OXR1: variants seen among roughly 807,000 people sequenced by gnomAD.
The protein encoded by OXR1 is oxidation resistance 1, also known as oxidation resistance protein 1.
OXR1 carries 41 observed loss-of-function variants against 104.6 expected under a neutral mutation model. The observed-to-expected ratio is 0.39, with a 90% CI of 0.31 to 0.51. The LOEUF is 0.51. Among genes scored for constraint, OXR1 ranks in the 20% least tolerant of loss-of-function variants. The pLI, the probability that OXR1 is intolerant of heterozygous loss-of-function variation, is 0.77. For missense variants in OXR1, 955 were observed against 1,031.9 expected, an observed-to-expected ratio of 0.93 and a Z score of 1.02; for synonymous variants, 348 against 348.4, an observed-to-expected ratio of 1.00 and a Z score of 0.01.
In OXR1 at chr8:106,499,155, C is replaced by G; in HGVS notation, c.24-19788C>G. On this transcript the variant is annotated intron_variant, in intron 2 of 16. Transcript: ENST00000517566. ...CCGCAGTCCGGCCTGGGCGACAGAGCGAGACTCCGTCTCAAAAAAAAAAAA... is the reference window on the plus strand; with the variant it reads ...CCGCAGTCCGGCCTGGGCGACAGAGGGAGACTCCGTCTCAAAAAAAAAAAA... Among the ~76,000 whole-genome samples the G allele has an allele frequency of 1.7e-4, 2 of 11,496 alleles. 1 individual carries two copies. The highest frequency in any genetic ancestry group is 7.8e-4 in the African/African-American group (2 of 2,566). 7.5% of individuals were successfully genotyped at this position (11,496 alleles called of 152,430 possible).
chr8:106,703,904 G>A (rs535717638), intron 8 of OXR1, among the ~76,000 whole-genome samples: 39 of 152,128 alleles, frequency 2.6e-4, no homozygotes, highest in South Asian at 6.2e-4. Flanking sequence ...CACTTTAACT[G>A]ATACTGATAT....
chr8:106,659,038 A>G (rs1209573374), intron 3 of OXR1, among the ~76,000 whole-genome samples: 1 of 152,352 alleles, frequency 6.6e-6, no homozygotes, highest in Middle Eastern at 3.4e-3. Flanking sequence ...AATGAGCATT[A>G]GAGAGTTTAG....
chr8:106,725,398 A>G (rs1245174800), intron 11 of OXR1, among the ~76,000 whole-genome samples: 1 of 152,188 alleles, frequency 6.6e-6, no homozygotes, highest in Non-Finnish European at 1.5e-5. Context: ...CAAATGTATC[A>G]TCATGATATT....
At chr8:106,627,834 T>C (rs1425354754) in intron 3 of OXR1, among the ~76,000 whole-genome samples, 1 of 152,144 alleles carries the variant, frequency 6.6e-6, no homozygotes, top group Non-Finnish European at 1.5e-5. Context: ...CATAGCAGGA[T>C]TGATATAGGA....
chr8:106,477,033 A>G (rs1001055892), intron 2 of OXR1, among the ~76,000 whole-genome samples: 1 of 151,974 alleles, frequency 6.6e-6, no homozygotes, highest in Non-Finnish European at 1.5e-5. Context: ...GGATTCACTT[A>G]TCCTGAAATG....
chr8:106,625,173 C>T (rs929157250), intron 3 of OXR1, among the ~76,000 whole-genome samples: 2 of 152,070 alleles, frequency 1.3e-5, no homozygotes, highest in African/African-American at 4.8e-5. Flanking sequence ...AGGTCAACTC[C>T]CCTTCCCTCC....
intron 3 of OXR1, among the ~76,000 whole-genome samples, chr8:106,611,913 A>G (rs1461923194): frequency 6.7e-6 from 1 of 149,584 alleles, no homozygotes; most frequent in Non-Finnish European, 1.5e-5. Context: ...TAATTTCTAT[A>G]CCTTTGTATG....
In OXR1 at chr8:106,283,181, T is replaced by C. The variant is rs1054151454; in HGVS notation, c.-139+12814T>C. Among the ~76,000 whole-genome samples the C allele has an allele frequency of 1.1e-4, 16 of 152,208 alleles. 1 individual carries two copies. The highest frequency in any genetic ancestry group is 7.9e-4 in the Admixed American group (12 of 15,280). ...GCAGGTTTCATGCCATTTGCTGAGT[T>C]AGCACGTTTCTGAGCATCTGTAGAT... On this transcript the variant is annotated intron_variant, in intron 1 of 16. Transcript: ENST00000517566.
At chr8:106,337,820 A>C (rs1815026432) in intron 1 of OXR1, among the ~76,000 whole-genome samples, 1 of 152,216 alleles carries the variant, frequency 6.6e-6, no homozygotes, top group Non-Finnish European at 1.5e-5. Flanking sequence ...ACAGAATTCC[A>C]TATCTTGTCT....
At chr8:106,679,377 A>T (rs968959156) in intron 4 of OXR1, 85 bp downstream of exon 4, 12 of 567,624 alleles carry the variant, frequency 2.1e-5, no homozygotes, top group Non-Finnish European at 3.4e-5. Flanking sequence ...AAATAAGACA[A>T]GCATTGTTAA....
At chr8:106,494,734 TGAGAC>T (rs1239557320) in intron 2 of OXR1, among the ~76,000 whole-genome samples, 5 of 152,204 alleles carry the variant, frequency 3.3e-5, no homozygotes, top group African/African-American at 1.2e-4. Flanking sequence ...GAATGGGACC[TGAGAC>T]TGCACTTCTA....
chr8:106,396,090 C>A (rs71522780), intron 2 of OXR1, among the ~76,000 whole-genome samples: 25,585 of 117,890 alleles, frequency 0.22, 2,543 homozygotes, highest in Admixed American at 0.28. Flanking sequence ...TACATACATA[C>A]ATACATACAT....
chr8:106,668,866 T>G (rs1826628150), intron 3 of OXR1, among the ~76,000 whole-genome samples: 1 of 152,210 alleles, frequency 6.6e-6, no homozygotes, highest in African/African-American at 2.4e-5. Flanking sequence ...AGAAGCTCTA[T>G]TTGTATGTCT....
At chr8:106,705,646 G>A (rs1288199548) in intron 8 of OXR1, among the ~76,000 whole-genome samples, 2 of 152,012 alleles carry the variant, frequency 1.3e-5, no homozygotes, top group East Asian at 1.9e-4. Context: ...ACATTTCATG[G>A]TATAGAGGTT....
chr8:106,455,388 A>C (rs538683676), intron 2 of OXR1, among the ~76,000 whole-genome samples: 1 of 152,350 alleles, frequency 6.6e-6, no homozygotes, highest in South Asian at 2.1e-4. Flanking sequence ...AACCTAAATA[A>C]GACAACTAAA....
At chr8:106,367,126 G>A (rs1042608719) in intron 2 of OXR1, among the ~76,000 whole-genome samples, 1 of 148,974 alleles carries the variant, frequency 6.7e-6, no homozygotes, top group Non-Finnish European at 1.5e-5. Context: ...GCAGTGGTGC[G>A]ATCTCGGCTC....
At chr8:106,519,776 A>G (rs1477621064) in intron 3 of OXR1, among the ~76,000 whole-genome samples, 2 of 152,212 alleles carry the variant, frequency 1.3e-5, no homozygotes, top group African/African-American at 4.8e-5. Context: ...TATTTCCCCC[A>G]GATATAATGA....
At chr8:106,425,888 G>A (rs1407708602) in intron 2 of OXR1, among the ~76,000 whole-genome samples, 2 of 152,192 alleles carry the variant, frequency 1.3e-5, no homozygotes, top group African/African-American at 2.4e-5. Flanking sequence ...GCTAGGGAAG[G>A]TTGTCTCCGA....
intron 6 of OXR1, among the ~76,000 whole-genome samples, chr8:106,691,789 T>A (rs1554621665): frequency 6.6e-6 from 1 of 151,194 alleles, no homozygotes; most frequent in Non-Finnish European, 1.5e-5. Flanking sequence ...TTTCTTAGCA[T>A]ATTTTTGAGT....
Sources: allele counts gnomAD v4.1 joint callset (sites outside exome capture counted in the v4.1 genomes callset), GRCh38; gene constraint gnomAD v4.1.1; transcripts MANE v1.5; gene names NCBI Gene and HGNC (gene_info 2026-07-23, HGNC 2026-07-21).